TDRD12: variants seen among roughly 807,000 people sequenced by gnomAD.
TDRD12 encodes putative ATP-dependent RNA helicase TDRD12.
Under a neutral mutation model 133.5 loss-of-function variants are expected in TDRD12, and 158 were observed. The ratio of observed to expected loss-of-function variants is 1.18; its 90% confidence interval spans 1.04 to 1.35. The LOEUF is 1.35. TDRD12 is among the 40% of genes most tolerant of loss of function. The pLI is 0.00. For synonymous variants in TDRD12, 460 were observed against 477.9 expected (o/e 0.96, Z 0.49); for missense variants, 1,443 against 1,321.3 (o/e 1.09, Z -1.43).
intron 26 of TDRD12, among the ~76,000 whole-genome samples, chr19:32,816,083 T>A (rs1233346472): frequency 6.6e-6 from 1 of 152,202 alleles, no homozygotes; most frequent in Non-Finnish European, 1.5e-5. Flanking sequence ...TTTGGAAATC[T>A]AGTTTTATCT....
At chr19:32,727,896 G>A (rs568066731) in intron 1 of TDRD12, among the ~76,000 whole-genome samples, 21 of 152,266 alleles carry the variant, frequency 1.4e-4, no homozygotes, top group Admixed American at 9.2e-4. Flanking sequence ...TCGAACTCCT[G>A]ACCTCAGGTG....
At chr19:32,789,459 G>A (rs918259209) in intron 11 of TDRD12, among the ~76,000 whole-genome samples, 3 of 152,158 alleles carry the variant, frequency 2.0e-5, no homozygotes, top group Admixed American at 2.0e-4. Context: ...GTAGCCAGCT[G>A]TCTGCTTTCA....
At chr19:32,792,717 G>GC (rs1236094097) in intron 13 of TDRD12, among the ~76,000 whole-genome samples, 1 of 152,132 alleles carries the variant, frequency 6.6e-6, no homozygotes, top group African/African-American at 2.4e-5. Context: ...GATTAAGAGG[G>GC]CCTACCCATC....
chr19:32,767,699 G>T (rs113940325), intron 8 of TDRD12, among the ~76,000 whole-genome samples: 218 of 152,256 alleles, frequency 1.4e-3, no homozygotes, highest in Non-Finnish European at 1.7e-3. Context: ...AGAGGTGAAG[G>T]GGGTACAACT....
intron 24 of TDRD12, 74 bp from the exon 25 acceptor site, chr19:32,813,610 A>C: frequency 1.2e-6 from 1 of 840,884 alleles, no homozygotes; most frequent in Non-Finnish European, 1.9e-6. Flanking sequence ...AATATTTTGC[A>C]AACTGTATGG....
At chr19:32,772,831 C>T in exon 9 of TDRD12, 1 of 1,483,186 alleles carries the variant, frequency 6.7e-7, no homozygotes. Context: ...CATTGCATCT[C>T]TTTAAAAGAT....
chr19:32,788,306 T>G (rs1970969146), intron 11 of TDRD12, among the ~76,000 whole-genome samples: 1 of 151,944 alleles, frequency 6.6e-6, no homozygotes, highest in Admixed American at 6.6e-5. Context: ...GAGACAGGGT[T>G]TCACTATATT....
At chr19:32,744,844 A>G (rs1969554467) in intron 4 of TDRD12, among the ~76,000 whole-genome samples, 1 of 152,178 alleles carries the variant, frequency 6.6e-6, no homozygotes. Flanking sequence ...CACAGGGAGC[A>G]GTCCAGTTCT....
intron 5 of TDRD12, 22 bp downstream of exon 5, chr19:32,748,553 G>T: frequency 6.5e-7 from 1 of 1,545,808 alleles, no homozygotes; most frequent in Non-Finnish European, 8.7e-7. Flanking sequence ...CCTGATCACT[G>T]CAGCCTGCCT....
At chr19:32,733,521 A>C (rs1186475716) in intron 2 of TDRD12, among the ~76,000 whole-genome samples, 2 of 152,184 alleles carry the variant, frequency 1.3e-5, no homozygotes, top group Non-Finnish European at 2.9e-5. Context: ...GTTAAATATA[A>C]AGCTTTGGGT....
At chr19:32,776,434 G>T (rs2145612069) in intron 10 of TDRD12, among the ~76,000 whole-genome samples, 1 of 152,254 alleles carries the variant, frequency 6.6e-6, no homozygotes, top group South Asian at 2.1e-4. Flanking sequence ...GGTGAGGAAA[G>T]AAAAGAAAAA....
At chr19:32,797,676 T>C (rs1248087386) in intron 14 of TDRD12, 59 bp from the exon 15 acceptor site, 18 of 587,286 alleles carry the variant, frequency 3.1e-5, no homozygotes, top group Non-Finnish European at 5.2e-5. Context: ...TGATGTTTCA[T>C]ATGGATGCTG....
At chr19:32,748,650 G>A (rs1294087858) in intron 5 of TDRD12, 119 bp downstream of exon 5, 1 of 959,218 alleles carries the variant, frequency 1.0e-6, no homozygotes, top group Non-Finnish European at 1.5e-6. Flanking sequence ...CCTCAGAGGA[G>A]TTCCCTAAGC....
chr19:32,827,502 C>T (rs1445812246), exon 10 of TDRD12: 1 of 222,024 alleles, frequency 4.5e-6, no homozygotes, highest in African/African-American at 2.3e-5. Context: ...GCCTCAGCCT[C>T]CCGAGTAGCT....
exon 19 of TDRD12, chr19:32,801,801 A>G: frequency 1.4e-6 from 2 of 1,479,128 alleles, no homozygotes; most frequent in Non-Finnish European, 1.8e-6. Context: ...GCATAAAGAA[A>G]TGATTTTTAA....
chr19:32,743,705 A>C (rs1298607760), intron 4 of TDRD12, among the ~76,000 whole-genome samples: 1 of 151,512 alleles, frequency 6.6e-6, no homozygotes. Context: ...AAATTAGAAC[A>C]TACTGTCCTA....
At chr19:32,819,143 C>T (rs1182690739) in intron 27 of TDRD12, among the ~76,000 whole-genome samples, 1 of 151,914 alleles carries the variant, frequency 6.6e-6, no homozygotes, top group Non-Finnish European at 1.5e-5. Flanking sequence ...ATAGCAAGAC[C>T]CTGTCTCTAC....
chr19:32,768,385 CTTTTTTT>C (rs77912787), intron 8 of TDRD12, among the ~76,000 whole-genome samples: 26,561 of 142,872 alleles, frequency 0.19, 2,485 homozygotes, highest in African/African-American at 0.22. Context: ...GGTCTTTATT[CTTTTTTT>C]TTTTTTTTCT....
chr19:32,785,149 G>A (rs1041302792), intron 11 of TDRD12, among the ~76,000 whole-genome samples: 6 of 152,128 alleles, frequency 3.9e-5, no homozygotes, highest in African/African-American at 1.4e-4. Context: ...CAGAGATTCT[G>A]ATGCTTTGTG....
Sources: allele counts gnomAD v4.1 joint callset (sites outside exome capture counted in the v4.1 genomes callset), GRCh38; gene constraint gnomAD v4.1.1; transcripts MANE v1.5; gene names NCBI Gene and HGNC (gene_info 2026-07-23, HGNC 2026-07-21).